Variants in TMPRSS9 observed in about 807,000 individuals in gnomAD.
TMPRSS9 encodes transmembrane serine protease 9.
Under a neutral mutation model 111.4 loss-of-function variants are expected in TMPRSS9, and 113 were observed. The ratio of observed to expected loss-of-function variants is 1.01; its 90% CI spans 0.87 to 1.19. The LOEUF is 1.19. TMPRSS9 is among the 50% of genes most tolerant of loss of function. The pLI is 0.00. For synonymous variants in TMPRSS9, 805 were observed against 659.1 expected (o/e 1.22, Z -3.39); for missense variants, 1,803 against 1,513.1 (o/e 1.19, Z -3.18).
intron 7 of TMPRSS9, among the ~76,000 whole-genome samples, chr19:2,405,791 C>T (rs1242198861): frequency 2.7e-5 from 4 of 150,888 alleles, no homozygotes; most frequent in African/African-American, 7.3e-5. Context: ...CTGCAAGCTC[C>T]GCCTCCTGGG....
chr19:2,383,504 T>G (rs957657367), intron 1 of TMPRSS9, among the ~76,000 whole-genome samples: 2 of 150,696 alleles, frequency 1.3e-5, no homozygotes, highest in Non-Finnish European at 3.0e-5. Flanking sequence ...AAAATTACGA[T>G]TTTTAAAATT....
chr19:2,404,787 C>T (rs1599298782), intron 6 of TMPRSS9, among the ~76,000 whole-genome samples: 1 of 151,344 alleles, frequency 6.6e-6, no homozygotes, highest in African/African-American at 2.4e-5. Flanking sequence ...AAAAAATTAG[C>T]CAGGTGTGGT....
chr19:2,396,272 A>T (rs1420591143), intron 1 of TMPRSS9: 2 of 369,450 alleles, frequency 5.4e-6, no homozygotes, highest in Non-Finnish European at 9.7e-6. Flanking sequence ...CTCACTTGGC[A>T]CTCATCCACC....
chr19:2,420,705 G>A (rs1477097287), intron 13 of TMPRSS9, among the ~76,000 whole-genome samples: 1 of 152,184 alleles, frequency 6.6e-6, no homozygotes, highest in Non-Finnish European at 1.5e-5. Flanking sequence ...ATCCCCATAT[G>A]TAAAGTGGGA....
At chr19:2,378,451 G>A (rs977607175) in intron 1 of TMPRSS9, among the ~76,000 whole-genome samples, 9 of 152,308 alleles carry the variant, frequency 5.9e-5, no homozygotes, top group East Asian at 1.9e-4. Flanking sequence ...TGGGTGCAGT[G>A]GCTCATGCCT....
chr19:2,382,514 A>C (rs1274802083), intron 1 of TMPRSS9, among the ~76,000 whole-genome samples: 1 of 152,192 alleles, frequency 6.6e-6, no homozygotes, highest in Non-Finnish European at 1.5e-5. Flanking sequence ...CAGATTAGAG[A>C]CAGAATTCTT....
intron 1 of TMPRSS9, among the ~76,000 whole-genome samples, chr19:2,393,049 T>C (rs1970631516): frequency 6.6e-6 from 1 of 152,154 alleles, no homozygotes; most frequent in South Asian, 2.1e-4. Flanking sequence ...CAGTCAGCTC[T>C]CTGTAAAATG....
At chr19:2,400,473 C>T (rs767882339) in intron 4 of TMPRSS9, among the ~76,000 whole-genome samples, 45 of 151,374 alleles carry the variant, frequency 3.0e-4, no homozygotes, top group Non-Finnish European at 5.0e-4. Context: ...ACCCAGGAGG[C>T]GGAGGTTGCA....
At chr19:2,415,218 A>T (rs764984574) in intron 10 of TMPRSS9, among the ~76,000 whole-genome samples, 5 of 152,016 alleles carry the variant, frequency 3.3e-5, no homozygotes, top group Admixed American at 1.3e-4. Context: ...GTGCTGGGAT[A>T]ACAGGCATGA....
chr19:2,364,448 A>G (rs1970231980), intron 1 of TMPRSS9, among the ~76,000 whole-genome samples: 1 of 152,034 alleles, frequency 6.6e-6, no homozygotes, highest in African/African-American at 2.4e-5. Context: ...GGATCTCACT[A>G]TGTTGATCAG....
intron 1 of TMPRSS9, among the ~76,000 whole-genome samples, chr19:2,381,366 G>A (rs768257545): frequency 8.6e-5 from 13 of 150,840 alleles, no homozygotes; most frequent in Non-Finnish European, 1.5e-4. Context: ...GTGTGTGCGT[G>A]TGTGTGTGTG....
chr19:2,403,917 C>G (rs1203361714), intron 6 of TMPRSS9, among the ~76,000 whole-genome samples: 1 of 148,404 alleles, frequency 6.7e-6, no homozygotes, highest in African/African-American at 2.5e-5. Flanking sequence ...GGCGTGAACC[C>G]GGGAGGTGGA....
At chr19:2,400,019 G>A (rs1358800425) in intron 4 of TMPRSS9, among the ~76,000 whole-genome samples, 3 of 152,074 alleles carry the variant, frequency 2.0e-5, no homozygotes, top group Non-Finnish European at 4.4e-5. Context: ...TGTGAGCCAC[G>A]TGCCCAGTTA....
In TMPRSS9 at chr19:2,363,785, TGTGA is replaced by T. The variant is rs1283136664; in HGVS notation, c.-26+3429_-26+3432del. Reference sequence around the variant, plus strand: ...TCACTAGAATTCCAAGAACTCTGTGTGTGAGTGTGTGTGTGTGTGCGTGCGCGCG... The same window carrying T: ...TCACTAGAATTCCAAGAACTCTGTGTGTGTGTGTGTGTGTGCGTGCGCGCG... On this transcript the variant is annotated intron_variant, in intron 1 of 17. Coordinates refer to the TMPRSS9 transcript ENST00000649857. Among the ~76,000 whole-genome samples the T allele has an allele frequency of 5.0e-3, 559 of 110,952 alleles. 4 individuals carry two copies. Among genetic ancestry groups the T allele is most frequent in the African/African-American group, 0.023 (496 of 21,418 alleles). The allele number at this position is 110,952 out of a possible 152,430, so 72.8% of individuals were successfully genotyped here.
At chr19:2,360,909 C>T (rs550815938) in intron 1 of TMPRSS9, among the ~76,000 whole-genome samples, 4 of 150,304 alleles carry the variant, frequency 2.7e-5, no homozygotes, top group East Asian at 4.0e-4. Flanking sequence ...TGGACGTAGC[C>T]GGGATTGTGT....
chr19:2,376,964 A>G (rs1970340062), intron 1 of TMPRSS9, among the ~76,000 whole-genome samples: 1 of 151,932 alleles, frequency 6.6e-6, no homozygotes, highest in Admixed American at 6.6e-5. Flanking sequence ...GCAGAGGCAC[A>G]CCAGCGCGTG....
chr19:2,408,990 A>AAATAATAATAATAATAATAAT (rs71178274), intron 8 of TMPRSS9, among the ~76,000 whole-genome samples: 4 of 124,992 alleles, frequency 3.2e-5, no homozygotes, highest in East Asian at 2.3e-4. Context: ...CTCCATCTCA[A>AAATAATAATAATAATAATAAT]AATAATAATA....
At position 2,379,394 on chromosome 19, in the gene TMPRSS9, C is replaced by G. The variant is rs1050551414; in HGVS notation, c.-25-10367C>G. ...TAGAGATGGGGTTTCACTGTGTTAGCCAGGATAGTCTCAATCTCCTGACCT... is the reference window on the plus strand; with the variant it reads ...TAGAGATGGGGTTTCACTGTGTTAGGCAGGATAGTCTCAATCTCCTGACCT... On this transcript the variant is annotated intron_variant, in intron 1 of 17. Coordinates refer to the TMPRSS9 transcript ENST00000649857. 1.1e-4 allele frequency among the ~76,000 whole-genome samples: 17 copies of G among 151,964 alleles called. No homozygotes were observed. The South Asian group carries it at 3.5e-3, about 32-fold the overall frequency.
Position 2,410,321 on chromosome 19 carries a change from G to C in TMPRSS9, c.1181G>C (p.Ser394Thr), listed in dbSNP as rs148284151. Residue 394 changes from serine (S) to threonine (T), a missense_variant, in exon 9 of 18, where the codon AGC (serine) becomes ACC (threonine). Transcript: ENST00000648592. ...CTGCTGGACCAGGCACTGTGTGCCA[G>C]CTTGTACGGCCATTCACTCACTGAC... The C allele has an allele frequency of 3.8e-5, 61 of 1,614,114 alleles. No homozygotes were observed. The African/African-American group carries it at 7.3e-4, about 19-fold the overall frequency.
Sources: allele counts gnomAD v4.1 joint callset (sites outside exome capture counted in the v4.1 genomes callset), GRCh38; gene constraint gnomAD v4.1.1; transcripts MANE v1.5; gene names NCBI Gene and HGNC (gene_info 2026-07-23, HGNC 2026-07-21).